SH3D19: variants seen among roughly 807,000 people sequenced by gnomAD.
The protein encoded by SH3D19 is SH3 domain containing 19, also known as SH3 domain-containing protein 19.
A neutral mutation model predicts 112.1 loss-of-function variants in SH3D19; 58 were observed. The ratio of observed to expected loss-of-function variants is 0.52; its 90% confidence interval spans 0.42 to 0.64. SH3D19 has a LOEUF of 0.64. Among genes scored for constraint, SH3D19 ranks in the 30% least tolerant of loss-of-function variants. The pLI is 0.00. For missense variants in SH3D19, 1,090 were observed against 1,263.4 expected (o/e 0.86, Z 2.08); for synonymous variants, 391 against 448.5 (o/e 0.87, Z 1.62).
intron 10 of SH3D19, 129 bp downstream of exon 10, chr4:151,149,371 C>T (rs559495150): frequency 2.8e-5 from 19 of 670,382 alleles, no homozygotes; most frequent in African/African-American, 1.8e-4. Flanking sequence ...TAGGGGCCTG[C>T]GTGAAATCGG....
At chr4:151,185,372 T>C (rs1428005956) in intron 3 of SH3D19, among the ~76,000 whole-genome samples, 2 of 152,176 alleles carry the variant, frequency 1.3e-5, no homozygotes, top group Non-Finnish European at 2.9e-5. Context: ...CTTCTCATCT[T>C]TCCTATCCTG....
In SH3D19 at chr4:151,208,794, T is replaced by C. The variant is rs561530742; in HGVS notation, c.152+17253A>G. On this transcript the variant is annotated intron_variant, in intron 2 of 19. Coordinates refer to ENST00000604030, the MANE Select transcript of SH3D19 (RefSeq NM_001378122.1). ...CTGGGTTCACGCCATTCACCTGCCT[T>C]AGCCTCCCGAGTAGCTGGGACTACA... 3.5e-3 allele frequency among the ~76,000 whole-genome samples: 525 copies of C among 152,026 alleles called. 5 individuals carry two copies. The highest frequency in any genetic ancestry group is 0.012 in the African/African-American group (491 of 41,488).
chr4:151,191,393 T>G (rs994291407), intron 2 of SH3D19, among the ~76,000 whole-genome samples: 1 of 152,140 alleles, frequency 6.6e-6, no homozygotes, highest in Non-Finnish European at 1.5e-5. Flanking sequence ...TGAAATGACA[T>G]GGTTTGGCTG....
At chr4:151,259,015 C>T (rs1772163659) in intron 1 of SH3D19, among the ~76,000 whole-genome samples, 1 of 152,062 alleles carries the variant, frequency 6.6e-6, no homozygotes, top group South Asian at 2.1e-4. Flanking sequence ...TGGGTGAGGA[C>T]CCTCTGTAGC....
intron 1 of SH3D19, among the ~76,000 whole-genome samples, chr4:151,237,200 T>G (rs577419617): frequency 2.5e-4 from 38 of 152,254 alleles, no homozygotes; most frequent in Non-Finnish European, 5.3e-4. Context: ...CTTTAAGAGC[T>G]GTAACACTCA....
intron 7 of SH3D19, among the ~76,000 whole-genome samples, chr4:151,168,395 A>C (rs1579925834): frequency 2.0e-5 from 1 of 50,680 alleles, no homozygotes. Flanking sequence ...TTCGAGTAGC[A>C]TTTCTTTTTT....
intron 1 of SH3D19, among the ~76,000 whole-genome samples, chr4:151,275,278 G>A (rs952770392): frequency 1.3e-5 from 2 of 151,958 alleles, no homozygotes; most frequent in Admixed American, 1.3e-4. Flanking sequence ...TAGTAGAGAC[G>A]GGTTTTCACT....
At chr4:151,292,786 T>A (rs887568717) in intron 1 of SH3D19, among the ~76,000 whole-genome samples, 7 of 151,942 alleles carry the variant, frequency 4.6e-5, no homozygotes, top group Non-Finnish European at 1.0e-4. Context: ...TAAAAAAAAC[T>A]TTGTTTCTGA....
chr4:151,191,952 T>TTC (rs1554049673), intron 2 of SH3D19, among the ~76,000 whole-genome samples: 109 of 129,750 alleles, frequency 8.4e-4, no homozygotes, highest in African/African-American at 3.0e-3. Flanking sequence ...GCCCTTTTTT[T>TTC]TTTTTTTTTT....
At chr4:151,142,994 T>G (rs1334395300) in intron 12 of SH3D19, among the ~76,000 whole-genome samples, 2 of 152,150 alleles carry the variant, frequency 1.3e-5, no homozygotes, top group African/African-American at 4.8e-5. Context: ...TCTGAACACT[T>G]TGGGAGGCCC....
chr4:151,305,820 C>A (rs1335357139), intron 1 of SH3D19, among the ~76,000 whole-genome samples: 1 of 152,174 alleles, frequency 6.6e-6, no homozygotes, highest in Non-Finnish European at 1.5e-5. Flanking sequence ...CAAACCTGTA[C>A]ACAAATGTTT....
intron 9 of SH3D19, among the ~76,000 whole-genome samples, chr4:151,150,479 CTGTT>C (rs1338920444): frequency 2.6e-5 from 4 of 151,748 alleles, no homozygotes; most frequent in Non-Finnish European, 4.4e-5. Context: ...TATCTCATCA[CTGTT>C]TGGTTTCAAC....
intron 12 of SH3D19, among the ~76,000 whole-genome samples, chr4:151,141,297 T>C (rs1752934069): frequency 6.6e-6 from 1 of 152,172 alleles, no homozygotes; most frequent in Non-Finnish European, 1.5e-5. Context: ...GGCTAATTTT[T>C]GTATTTTTTG....
intron 1 of SH3D19, among the ~76,000 whole-genome samples, chr4:151,266,998 C>G (rs184340212): frequency 2.1e-4 from 32 of 152,112 alleles, no homozygotes; most frequent in Admixed American, 1.8e-3. Context: ...TTTAACAGAT[C>G]TAGCCAGGGC....
chr4:151,227,798 C>T lies in SH3D19; in HGVS notation c.113-1712G>A. On this transcript the variant is annotated intron_variant, in intron 1 of 19. Transcript: ENST00000604030. ...CGAGCTAAAACTCTGTCCAGAACATCATTTCCTGTGGCTGTGATCCTAGTT... is the reference window on the plus strand; with the variant it reads ...CGAGCTAAAACTCTGTCCAGAACATTATTTCCTGTGGCTGTGATCCTAGTT... The T allele has an allele frequency of 6.1e-6, 6 of 985,498 alleles. No individual in the cohort carries two copies. In the South Asian group the frequency reaches 2.3e-4, roughly 39 times the overall value. The allele number at this position is 985,498 out of a possible 1,614,324, so 61.0% of individuals were successfully genotyped here.
At chr4:151,320,871 C>T (rs1211596746) in intron 1 of SH3D19, among the ~76,000 whole-genome samples, 1 of 152,132 alleles carries the variant, frequency 6.6e-6, no homozygotes, top group African/African-American at 2.4e-5. Context: ...AAAACCCCGC[C>T]TCTACTAAAA....
At chr4:151,249,118 G>A (rs1444717204) in intron 1 of SH3D19, among the ~76,000 whole-genome samples, 1 of 152,140 alleles carries the variant, frequency 6.6e-6, no homozygotes, top group Non-Finnish European at 1.5e-5. Context: ...TGTAATTATT[G>A]TGCTGACAAG....
chr4:151,292,175 T>C (rs998234281), intron 1 of SH3D19, among the ~76,000 whole-genome samples: 3 of 152,092 alleles, frequency 2.0e-5, no homozygotes, highest in African/African-American at 7.2e-5. Context: ...GGCATGTGCC[T>C]GTGGTCTCAG....
intron 1 of SH3D19, among the ~76,000 whole-genome samples, chr4:151,267,614 T>C (rs1036807806): frequency 6.6e-6 from 1 of 152,168 alleles, no homozygotes; most frequent in African/African-American, 2.4e-5. Context: ...AAACAAAGTA[T>C]CAAATCTTGT....
Sources: gnomAD v4.1 joint callset for allele counts (sites outside exome capture counted in the v4.1 genomes callset) on GRCh38, gnomAD v4.1.1 for gene constraint, MANE v1.5 for transcripts, NCBI Gene and HGNC (gene_info 2026-07-23, HGNC 2026-07-21) for gene names.